Variants in BRINP2 observed in about 807,000 individuals in gnomAD.
The protein encoded by BRINP2 is BMP/retinoic acid inducible neural specific 2.
Under a neutral mutation model 69.2 loss-of-function variants are expected in BRINP2, and 21 were observed. That is an observed-to-expected ratio of 0.30 (90% CI 0.22 to 0.44). The LOEUF (loss-of-function observed/expected upper bound fraction) is 0.44. Ranked by LOEUF, BRINP2 falls within the 20% of genes least tolerant of loss-of-function variation. The pLI, the probability that BRINP2 is intolerant of heterozygous loss-of-function variation, is 1.00. For synonymous variants in BRINP2, 380 were observed against 394.1 expected (o/e 0.96, Z 0.42); for missense variants, 877 against 986.0 (o/e 0.89, Z 1.48).
At chr1:177,220,085 C>T (rs1318807987) in intron 1 of BRINP2, among the ~76,000 whole-genome samples, 2 of 152,212 alleles carry the variant, frequency 1.3e-5, no homozygotes, top group Admixed American at 1.3e-4. Flanking sequence ...TTCAGGCAAT[C>T]TTGGTAACAG....
At chr1:177,257,420 G>C (rs77314950) in intron 4 of BRINP2, 36 bp downstream of exon 4, 1 of 1,547,086 alleles carries the variant, frequency 6.5e-7, no homozygotes. Flanking sequence ...GGGGATGGGG[G>C]AAGCACTGAG....
At chr1:177,192,565 CA>C (rs1224945055) in intron 1 of BRINP2, among the ~76,000 whole-genome samples, 2 of 152,082 alleles carry the variant, frequency 1.3e-5, no homozygotes, top group East Asian at 3.9e-4. Context: ...GAAATGAGCC[CA>C]TCCTAGCTCT....
chr1:177,280,786 G>A lies in BRINP2; in HGVS notation c.1610G>A (p.Arg537Gln), dbSNP rs779220314. ...VHSIFISNDM[R>Q]LGSWFDPSWR... ...TCCATCTTCATCAGCAATGACATGC[G>A]GCTGGGCAGCTGGTTTGACCCTTCC... is the stretch of plus-strand genomic sequence containing the variant. The change falls in exon 8 of 8, where the codon CGG (arginine) becomes CAG (glutamine). Residue 537 changes from arginine to glutamine, a missense_variant. Physicochemically the swap from Arg to Gln is conservative, Grantham distance 43 (BLOSUM62 1). Transcript: ENST00000361539. 3.8e-5 allele frequency: 62 copies of A among 1,614,006 alleles called. No homozygotes were observed. Among genetic ancestry groups the A allele is most frequent in the Non-Finnish European group, 4.5e-5 (53 of 1,180,002 alleles).
chr1:177,252,352 TCA>T (rs1426951266), intron 2 of BRINP2, among the ~76,000 whole-genome samples: 6 of 152,318 alleles, frequency 3.9e-5, no homozygotes, highest in African/African-American at 1.4e-4. Context: ...TGCTCCTCTC[TCA>T]GTCTCTACAG....
At chr1:177,229,775 T>G in intron 1 of BRINP2, 26 bp from the exon 2 acceptor site, 1 of 1,471,052 alleles carries the variant, frequency 6.8e-7, no homozygotes, top group Non-Finnish European at 9.1e-7. Flanking sequence ...GGTGCTCAAA[T>G]GACAATGCCT....
intron 1 of BRINP2, among the ~76,000 whole-genome samples, chr1:177,175,020 A>C (rs12568416): frequency 0.21 from 32,139 of 152,096 alleles, 4,039 homozygotes; most frequent in East Asian, 0.36. Flanking sequence ...ACACACACAC[A>C]ACTTCTCATA....
chr1:177,198,559 C>T (rs181653277), intron 1 of BRINP2, among the ~76,000 whole-genome samples: 9 of 152,246 alleles, frequency 5.9e-5, no homozygotes, highest in East Asian at 5.8e-4. Context: ...GGAAGTCCTC[C>T]AAATATGGCA....
chr1:177,239,297 A>G (rs913864063), intron 2 of BRINP2, among the ~76,000 whole-genome samples: 1 of 152,240 alleles, frequency 6.6e-6, no homozygotes, highest in Non-Finnish European at 1.5e-5. Flanking sequence ...GAAGCCACAG[A>G]TGGATCTTCC....
intron 5 of BRINP2, 129 bp from the exon 6 acceptor site, chr1:177,276,069 G>T (rs943861951): frequency 1.1e-5 from 9 of 818,994 alleles, no homozygotes; most frequent in African/African-American, 8.4e-5. Flanking sequence ...TAGGCCCTGT[G>T]GTGCCCATGC....
intron 1 of BRINP2, among the ~76,000 whole-genome samples, chr1:177,177,722 A>G (rs74969943): frequency 3.3e-4 from 51 of 152,338 alleles, no homozygotes; most frequent in African/African-American, 9.4e-4. Flanking sequence ...TTTCAGTTTT[A>G]TCATCTATAG....
intron 6 of BRINP2, 69 bp from the exon 7 acceptor site, chr1:177,278,494 C>T (rs1307888283): frequency 2.3e-5 from 32 of 1,415,040 alleles, no homozygotes; most frequent in South Asian, 3.5e-5. Context: ...ATCTGGGCAG[C>T]GTCCACTTGC....
intron 3 of BRINP2, chr1:177,256,518 G>A (rs771107407): frequency 2.5e-5 from 25 of 985,234 alleles, no homozygotes; most frequent in Non-Finnish European, 3.0e-5. Flanking sequence ...TCTCTATAAC[G>A]ATTGGAAACT....
At chr1:177,270,504 G>A (rs901323019) in intron 4 of BRINP2, among the ~76,000 whole-genome samples, 8 of 151,876 alleles carry the variant, frequency 5.3e-5, no homozygotes, top group Non-Finnish European at 1.0e-4. Flanking sequence ...GGTGGGGGGC[G>A]GGAAGCAGAT....
intron 1 of BRINP2, among the ~76,000 whole-genome samples, chr1:177,199,908 G>A (rs1648851717): frequency 6.6e-6 from 1 of 152,114 alleles, no homozygotes; most frequent in African/African-American, 2.4e-5. Flanking sequence ...CACAGCTACT[G>A]TCCTAGTCTA....
At chr1:177,184,755 T>G (rs1648378370) in intron 1 of BRINP2, among the ~76,000 whole-genome samples, 1 of 151,308 alleles carries the variant, frequency 6.6e-6, no homozygotes, top group South Asian at 2.1e-4. Context: ...CCCCAATACC[T>G]CATCGTCTAC....
At chr1:177,218,434 C>A (rs1649437499) in intron 1 of BRINP2, among the ~76,000 whole-genome samples, 2 of 152,090 alleles carry the variant, frequency 1.3e-5, no homozygotes, top group African/African-American at 4.8e-5. Flanking sequence ...GTGCACTGAG[C>A]TTTTACCAAA....
At position 177,278,788 on chromosome 1, in the gene BRINP2, G is replaced by T. The variant is rs765689423; in HGVS notation, c.1235+3G>T. On this transcript the variant is annotated splice_donor_region_variant and intron_variant, in intron 7 of 7. Coordinates refer to ENST00000361539, the MANE Select transcript of BRINP2 (RefSeq NM_021165.4). Reference sequence around the variant, plus strand: ...CGCTTCCGCCTGCCCAAGGAGAGGTGAGCACCCCCTGGCTGCTACAGCCAG... The same window carrying T: ...CGCTTCCGCCTGCCCAAGGAGAGGTTAGCACCCCCTGGCTGCTACAGCCAG... 1.9e-6 allele frequency: 3 copies of T among 1,613,552 alleles called. No homozygotes were observed. In the African/African-American group the frequency reaches 4.0e-5, roughly 22 times the overall value.
intron 1 of BRINP2, among the ~76,000 whole-genome samples, chr1:177,189,622 T>C (rs1648529999): frequency 6.6e-6 from 1 of 152,186 alleles, no homozygotes; most frequent in Non-Finnish European, 1.5e-5. Context: ...GTTTTGATCT[T>C]TTACCTCCAG....
intron 4 of BRINP2, among the ~76,000 whole-genome samples, chr1:177,265,852 G>A (rs1025361242): frequency 6.6e-6 from 1 of 151,994 alleles, no homozygotes; most frequent in African/African-American, 2.4e-5. Flanking sequence ...CAGCTGCGGT[G>A]GCTCACACCT....
Sources: gnomAD v4.1 joint callset for allele counts (sites outside exome capture counted in the v4.1 genomes callset) on GRCh38, gnomAD v4.1.1 for gene constraint, MANE v1.5 for transcripts, NCBI Gene and HGNC (gene_info 2026-07-23, HGNC 2026-07-21) for gene names.